Variants in CARF observed in about 807,000 individuals in gnomAD.
CARF encodes the protein calcium responsive transcription factor.
Under a neutral mutation model 82.0 loss-of-function variants are expected in CARF, and 57 were observed. The ratio of observed to expected loss-of-function variants is 0.70; its 90% CI spans 0.56 to 0.87. The LOEUF (loss-of-function observed/expected upper bound fraction) is 0.87. Among genes scored for constraint, CARF ranks in the 40% least tolerant of loss-of-function variants. The pLI, the probability that CARF is intolerant of heterozygous loss-of-function variation, is 0.00. For synonymous variants in CARF, 268 were observed against 290.1 expected (o/e 0.92, Z 0.77); for missense variants, 771 against 855.8 (o/e 0.90, Z 1.24).
intron 9 of CARF, chr2:202,961,636 G>A: frequency 1.8e-6 from 1 of 547,392 alleles, no homozygotes; most frequent in South Asian, 2.7e-5. Flanking sequence ...GAATAAATAA[G>A]ACTTCTTTCA....
chr2:202,987,918 A>G lies in CARF; in HGVS notation c.*4294A>G, dbSNP rs2060493839. On this transcript the variant is annotated 3_prime_UTR_variant, in exon 17 of 17. Coordinates refer to ENST00000438828, the MANE Select transcript of CARF (RefSeq NM_024744.17). ...ATGAAATCATCAGCATAAGCAAGGT[A>G]ATGAACATATTCATCACTCTCAAAG... Among the ~76,000 whole-genome samples the G allele has an allele frequency of 6.6e-6, 1 of 152,242 alleles. No individual in the cohort carries two copies. The highest frequency in any genetic ancestry group is 2.1e-4 in the South Asian group (1 of 4,830).
chr2:202,930,968 C>CTTTTTTTTTTTTTTTTTT (rs1007407230), intron 3 of CARF, among the ~76,000 whole-genome samples: 1 of 103,216 alleles, frequency 9.7e-6, no homozygotes, highest in Admixed American at 1.0e-4. Flanking sequence ...TTTTTCTTTT[C>CTTTTTTTTTTTTTTTTTT]TTTTTTTTTT....
rs974729746 is a variant in CARF, at chr2:202,974,570, G to C, written c.1494+74G>C. 7.2e-6 allele frequency: 10 copies of C among 1,387,832 alleles called. No individual in the cohort carries two copies. The Admixed American group carries it at 1.7e-4, about 23-fold the overall frequency. 86.0% of individuals were successfully genotyped at this position (1,387,832 alleles called of 1,614,324 possible). ...ATTAATATTTAGTCTAATAAGAATG[G>C]CTAGTGTTAGGCCATCTGAATAACT... On this transcript the variant is annotated intron_variant, in intron 13 of 16. Coordinates refer to ENST00000438828, the MANE Select transcript of CARF (RefSeq NM_024744.17).
chr2:202,921,237 G>GAGA (rs1690737546), intron 2 of CARF, among the ~76,000 whole-genome samples: 1 of 152,158 alleles, frequency 6.6e-6, no homozygotes, highest in African/African-American at 2.4e-5. Flanking sequence ...TCCTGACTTT[G>GAGA]TGATCCGCCT....
In CARF at chr2:202,970,082, C is replaced by T; in HGVS notation, c.1097+20C>T. Reference sequence around the variant, plus strand: ...TCTTAGGTATGACATTTTTATAGTTCTTTTATTTTACAAATTAATTAGCTC... The same window carrying T: ...TCTTAGGTATGACATTTTTATAGTTTTTTTATTTTACAAATTAATTAGCTC... On this transcript the variant is annotated intron_variant, in intron 11 of 16. Transcript: ENST00000438828. The T allele has an allele frequency of 6.5e-7, 1 of 1,534,964 alleles. No homozygotes were observed.
rs1194584463 is a variant in CARF at position 202,942,920 on chromosome 2, G to A, written c.259G>A (p.Ala87Thr). The change falls in exon 5 of 17, where the codon GCT becomes ACT. Residue 87 changes from alanine (A) to threonine (T), a missense_variant. Transcript: ENST00000438828. ...CCATCTAGTGGACCAAAATGGGCAG[G>A]CTATTCAATATGAACTTCAGTCATT... ...QFHLVDQNGQ[A>T]IQYELQSLGE... 1 of 1,614,090 alleles carries A rather than the reference G, an allele frequency of 6.2e-7. No homozygotes were observed. The highest frequency in any genetic ancestry group is 1.3e-5 in the African/African-American group (1 of 75,032).
At chr2:202,928,775 G>C (rs371112239) in intron 3 of CARF, among the ~76,000 whole-genome samples, 4 of 152,058 alleles carry the variant, frequency 2.6e-5, no homozygotes, top group African/African-American at 9.6e-5. Flanking sequence ...CGTCAGACAG[G>C]GTCTCATTCT....
intron 5 of CARF, among the ~76,000 whole-genome samples, chr2:202,945,711 A>G (rs2058465966): frequency 6.6e-6 from 1 of 152,158 alleles, no homozygotes; most frequent in Non-Finnish European, 1.5e-5. Flanking sequence ...CTAATCTGTC[A>G]ATGATGGGCA....
At chr2:202,930,808 T>C (rs1692751778) in intron 3 of CARF, among the ~76,000 whole-genome samples, 1 of 152,066 alleles carries the variant, frequency 6.6e-6, no homozygotes, top group Admixed American at 6.6e-5. Context: ...CTTTAGCCTC[T>C]ACCATCCCTG....
At chr2:202,958,656 C>T (rs756567261) in intron 8 of CARF, among the ~76,000 whole-genome samples, 1 of 152,102 alleles carries the variant, frequency 6.6e-6, no homozygotes, top group African/African-American at 2.4e-5. Flanking sequence ...TCACGTCTGT[C>T]AGTACTTTAG....
chr2:202,953,498 G>GTTTTTTTTTTTTTGTTT (rs2058859834), intron 6 of CARF, among the ~76,000 whole-genome samples: 1 of 70,294 alleles, frequency 1.4e-5, no homozygotes, highest in Non-Finnish European at 2.5e-5. Flanking sequence ...TTTTTTTGTT[G>GTTTTTTTTTTTTTGTTT]TTTTTTTTTT....
At position 202,969,949 on chromosome 2, in the gene CARF, T is replaced by C; in HGVS notation, c.984T>C (p.Pro328=). The change falls in exon 11 of 17, where the codon CCT becomes CCC. Residue 328 remains proline, a synonymous_variant. Transcript: ENST00000438828. The part of the protein sequence containing the change: ...RIYIKKVQKF[P]EYRVPTDPKI... Reference sequence around the variant, plus strand: ...ACATTAAAAAGGTACAGAAGTTTCCTGAATATAGAGTTCCTACAGACCCCA... The same window carrying C: ...ACATTAAAAAGGTACAGAAGTTTCCCGAATATAGAGTTCCTACAGACCCCA... The C allele has an allele frequency of 6.5e-7, 1 of 1,541,428 alleles. No individual in the cohort carries two copies. The highest frequency in any genetic ancestry group is 1.3e-5 in the South Asian group (1 of 78,858).
chr2:202,955,618 T>C, intron 7 of CARF, 56 bp from the exon 8 acceptor site: 1 of 1,283,976 alleles, frequency 7.8e-7, no homozygotes, highest in Non-Finnish European at 1.1e-6. Flanking sequence ...AGCAGTTGAA[T>C]GCATTTTGTG....
At chr2:202,934,106 T>C (rs1043493830) in intron 3 of CARF, among the ~76,000 whole-genome samples, 2 of 152,122 alleles carry the variant, frequency 1.3e-5, no homozygotes, top group South Asian at 2.1e-4. Flanking sequence ...TGAATTTGCG[T>C]TGGGCTGCAT....
intron 3 of CARF, among the ~76,000 whole-genome samples, chr2:202,941,099 A>G (rs1480197166): frequency 6.6e-6 from 1 of 152,096 alleles, no homozygotes; most frequent in Non-Finnish European, 1.5e-5. Flanking sequence ...TTATAAAATA[A>G]AATTGCTTTT....
chr2:202,956,591 C>T (rs1340248020), intron 8 of CARF, among the ~76,000 whole-genome samples: 1 of 151,972 alleles, frequency 6.6e-6, no homozygotes, highest in Non-Finnish European at 1.5e-5. Flanking sequence ...AGATATCTGG[C>T]TACTTGCTTG....
chr2:202,950,734 A>T (rs11693326), intron 5 of CARF, among the ~76,000 whole-genome samples: 4 of 152,276 alleles, frequency 2.6e-5, no homozygotes, highest in Non-Finnish European at 4.4e-5. Flanking sequence ...TATATACTTG[A>T]GATACACGTG....
intron 10 of CARF, among the ~76,000 whole-genome samples, chr2:202,967,654 T>G (rs540768735): frequency 6.6e-6 from 1 of 152,354 alleles, no homozygotes. Flanking sequence ...TGAAAGGTAT[T>G]CCTTATTAGT....
Position 202,912,455 on chromosome 2 carries a change from G to A in CARF, c.-977G>A, listed in dbSNP as rs1326621412. 5.1e-5 allele frequency: 3 copies of A among 58,990 alleles called. No individual in the cohort carries two copies. Among genetic ancestry groups the A allele is most frequent in the Admixed American group, 1.9e-4 (1 of 5,344 alleles). 3.7% of individuals were successfully genotyped at this position (58,990 alleles called of 1,614,324 possible). On this transcript the variant is annotated 5_prime_UTR_variant, in exon 1 of 17. Transcript: ENST00000438828. Reference sequence around the variant, plus strand: ...GCAGCGCTGTCTGCGCAGACCTACCGGACGCTACCTCCCAACCCCCCGTCT... The same window carrying A: ...GCAGCGCTGTCTGCGCAGACCTACCAGACGCTACCTCCCAACCCCCCGTCT...
Sources: gnomAD v4.1 joint callset for allele counts (sites outside exome capture counted in the v4.1 genomes callset) on GRCh38, gnomAD v4.1.1 for gene constraint, MANE v1.5 for transcripts, NCBI Gene and HGNC (gene_info 2026-07-23, HGNC 2026-07-21) for gene names.